KCTD17: variants seen among roughly 807,000 people sequenced by gnomAD.
The protein encoded by KCTD17 is BTB/POZ domain-containing protein KCTD17.
A neutral mutation model predicts 41.5 loss-of-function variants in KCTD17; 20 were observed. The ratio of observed to expected loss-of-function variants is 0.48; its 90% CI spans 0.34 to 0.70. The LOEUF (loss-of-function observed/expected upper bound fraction) is 0.70. Among genes scored for constraint, KCTD17 ranks in the 30% least tolerant of loss-of-function variants. KCTD17 has a pLI of 0.01. For synonymous variants in KCTD17, 156 were observed against 173.8 expected, an observed-to-expected ratio of 0.90 and a Z score of 0.80; for missense variants, 317 against 427.2, an observed-to-expected ratio of 0.74 and a Z score of 2.27.
chr22:37,056,896 G>A (rs1175362934), intron 3 of KCTD17, among the ~76,000 whole-genome samples: 1 of 152,096 alleles, frequency 6.6e-6, no homozygotes, highest in Non-Finnish European at 1.5e-5. Flanking sequence ...TGGCCAGTCT[G>A]CAGGAGGAGG....
intron 4 of KCTD17, among the ~76,000 whole-genome samples, chr22:37,057,899 T>C (rs1925333048): frequency 6.6e-6 from 1 of 152,214 alleles, no homozygotes; most frequent in South Asian, 2.1e-4. Context: ...CATGCGATCA[T>C]AGCAGTTCCT....
In KCTD17 at chr22:37,051,960, C is replaced by G; in HGVS notation, c.189+11C>G. The G allele has an allele frequency of 6.9e-7, 1 of 1,451,852 alleles. No homozygotes were observed. The highest frequency in any genetic ancestry group is 9.1e-7 in the Non-Finnish European group (1 of 1,099,312). 89.9% of individuals were successfully genotyped at this position (1,451,852 alleles called of 1,614,324 possible). Reference sequence around the variant, plus strand: ...CTGCAGTCGGACCGGGTGAGGCCCCCGGGGTGGGCGGCGAGCGGGCGGTGG... The same window carrying G: ...CTGCAGTCGGACCGGGTGAGGCCCCGGGGGTGGGCGGCGAGCGGGCGGTGG... On this transcript the variant is annotated intron_variant, in intron 1 of 8. Transcript: ENST00000403888.
At chr22:37,058,748 T>G (rs894332648) in intron 4 of KCTD17, among the ~76,000 whole-genome samples, 9 of 152,220 alleles carry the variant, frequency 5.9e-5, no homozygotes, top group African/African-American at 2.2e-4. Context: ...TGAGAGCCTC[T>G]GGGTGTCTTT....
chr22:37,060,056 G>A (rs1257148907), intron 5 of KCTD17, among the ~76,000 whole-genome samples: 1 of 152,204 alleles, frequency 6.6e-6, no homozygotes, highest in African/African-American at 2.4e-5. Context: ...CCTCCTGAGA[G>A]CACCCTGGCA....
chr22:37,059,416 C>T lies in KCTD17; in HGVS notation c.590C>T (p.Ser197Leu). 6.2e-7 allele frequency: 1 copy of T among 1,611,018 alleles called. No homozygotes were observed. Among genetic ancestry groups the T allele is most frequent in the Non-Finnish European group, 8.5e-7 (1 of 1,179,618 alleles). Residue 197 changes from serine (S) to leucine (L), a missense_variant, in exon 5 of 9, where the codon TCA (serine) becomes TTA (leucine). Coordinates refer to ENST00000403888, the MANE Select transcript of KCTD17 (RefSeq NM_001282684.2). ...CACAGCACCCCAAACGGGCTGAGCT[C>T]AGAGTCCAGCCGCAAAACCAAGGTG... ...ELHSTPNGLS[S>L]ESSRKTKSTE...
At chr22:37,054,516 C>T (rs904650709) in intron 2 of KCTD17, among the ~76,000 whole-genome samples, 6 of 150,340 alleles carry the variant, frequency 4.0e-5, no homozygotes, top group Admixed American at 4.0e-4. Flanking sequence ...CAGGGCTATC[C>T]GGGGGCTAGG....
Position 37,052,096 on chromosome 22 carries a change from G to C in KCTD17, c.189+147G>C, listed in dbSNP as rs1050904430. 6 of 1,006,924 alleles carry C rather than the reference G, an allele frequency of 6.0e-6. No homozygotes were observed. In the African/African-American group the frequency reaches 1.0e-4, roughly 17 times the overall value. The allele number at this position is 1,006,924 out of a possible 1,614,324, so 62.4% of individuals were successfully genotyped here. ...GAGGCGGGAAGAAGCGGCAGGAGGA[G>C]GGGAGGGGGAGGTGGGTCTGGTAGT... On this transcript the variant is annotated intron_variant, in intron 1 of 8. Coordinates refer to ENST00000403888, the MANE Select transcript of KCTD17 (RefSeq NM_001282684.2).
At chr22:37,052,035 G>C in intron 1 of KCTD17, 86 bp downstream of exon 1, 1 of 1,274,428 alleles carries the variant, frequency 7.8e-7, no homozygotes, top group Non-Finnish European at 9.9e-7. Flanking sequence ...CGCCCGCCAG[G>C]CTGGGGACCC....
intron 1 of KCTD17, chr22:37,052,219 G>A (rs953977314): frequency 1.3e-5 from 6 of 455,512 alleles, no homozygotes; most frequent in Non-Finnish European, 2.4e-5. Context: ...TTCTCCTTTG[G>A]GGCTGTGGAC....
chr22:37,061,064 C>T lies in KCTD17; in HGVS notation c.713-40C>T. On this transcript the variant is annotated intron_variant, in intron 6 of 8. Transcript: ENST00000403888. The surrounding 1 kb of genome is among the most constrained non-coding windows in gnomAD (Gnocchi z 6.6). ...TAGCTCAGCCACTTGCCTGGCGCCT[C>T]ACCCGCATAACCATCCCTTCTCTCA... 1 of 1,551,428 alleles carries T rather than the reference C, an allele frequency of 6.4e-7. No homozygotes were observed. The highest frequency in any genetic ancestry group is 8.7e-7 in the Non-Finnish European group (1 of 1,146,852).
intron 5 of KCTD17, among the ~76,000 whole-genome samples, chr22:37,059,732 A>G (rs997922131): frequency 1.3e-5 from 2 of 152,204 alleles, no homozygotes; most frequent in Non-Finnish European, 2.9e-5. Context: ...ACTAGGGGTC[A>G]GGGCACAGTG....
intron 3 of KCTD17, 24 bp downstream of exon 3, chr22:37,056,435 C>A (rs183791733): frequency 1.3e-6 from 2 of 1,592,280 alleles, no homozygotes; most frequent in South Asian, 1.1e-5. Context: ...GCAGCACACA[C>A]GGCCAGGGCA....
At chr22:37,056,249 T>G (rs1601488408) in intron 2 of KCTD17, 71 bp from the exon 3 acceptor site, 1 of 1,337,728 alleles carries the variant, frequency 7.5e-7, no homozygotes. Context: ...GGTTTCGGGG[T>G]GGAGGGAACA....
At chr22:37,058,741 G>C (rs574092484) in intron 4 of KCTD17, among the ~76,000 whole-genome samples, 2 of 152,224 alleles carry the variant, frequency 1.3e-5, no homozygotes, top group Non-Finnish European at 2.9e-5. Context: ...GCCACTCTGA[G>C]AGCCTCTGGG....
chr22:37,059,692 G>T lies in KCTD17; in HGVS notation c.612+254G>T, dbSNP rs549282598. Among the ~76,000 whole-genome samples the T allele has an allele frequency of 5.9e-5, 9 of 152,338 alleles. No individual in the cohort carries two copies. In the South Asian group the frequency reaches 1.9e-3, roughly 32 times the overall value. On this transcript the variant is annotated intron_variant, in intron 5 of 8. Coordinates refer to ENST00000403888, the MANE Select transcript of KCTD17 (RefSeq NM_001282684.2). ...ACTCAGAGGCTACATGAAGGGGGCC[G>T]CTTAGTGGCCACTGGGCACTGTGGC... is the stretch of plus-strand genomic sequence containing the variant.
chr22:37,059,623 G>A, intron 5 of KCTD17, 185 bp downstream of exon 5: 3 of 716,776 alleles, frequency 4.2e-6, no homozygotes, highest in Non-Finnish European at 6.8e-6. Context: ...GGCCCAGGCT[G>A]GGAGCAGTGA....
Position 37,053,774 on chromosome 22 carries a change from C to T in KCTD17, c.298+566C>T, listed in dbSNP as rs963739468. 2.0e-5 allele frequency among the ~76,000 whole-genome samples: 3 copies of T among 152,114 alleles called. No individual in the cohort carries two copies. Among genetic ancestry groups the T allele is most frequent in the Admixed American group, 2.0e-4 (3 of 15,280 alleles). On this transcript the variant is annotated intron_variant, in intron 2 of 8. Transcript: ENST00000403888. This position sits in a 1 kb window ranked among gnomAD's most constrained non-coding sequence, Gnocchi z 4.1. The stretch of plus-strand genomic sequence containing the variant: ...CAGTGGGGCTTTGGTTATCCCCAGG[C>T]CTAGGTGGCCGAGGCCCTGGATATG...
chr22:37,052,341 G>A, intron 1 of KCTD17: 1 of 362,504 alleles, frequency 2.8e-6, no homozygotes, highest in Non-Finnish European at 5.5e-6. Flanking sequence ...GAGGGGTGCA[G>A]GGAGCTAGCT....
At chr22:37,056,280 G>A (rs1210515980) in intron 2 of KCTD17, 40 bp from the exon 3 acceptor site, 3 of 1,566,870 alleles carry the variant, frequency 1.9e-6, no homozygotes, top group Non-Finnish European at 2.6e-6. Flanking sequence ...GGGGCATGGA[G>A]GCAGAAGGAG....
Sources: allele counts gnomAD v4.1 joint callset (sites outside exome capture counted in the v4.1 genomes callset), GRCh38; gene constraint gnomAD v4.1.1; non-coding constraint Gnocchi (gnomAD v3.1); transcripts MANE v1.5; gene names NCBI Gene and HGNC (gene_info 2026-07-23, HGNC 2026-07-21).